ITGB4: variants seen among roughly 807,000 people sequenced by gnomAD.
ITGB4 encodes the protein integrin beta-4.
Under a neutral mutation model 207.6 loss-of-function variants are expected in ITGB4, and 159 were observed. The observed-to-expected ratio is 0.77, with a 90% CI of 0.67 to 0.87. The LOEUF is 0.87. ITGB4 is among the 40% of genes least tolerant of loss of function. The pLI, the probability that ITGB4 is intolerant of heterozygous loss-of-function variation, is 0.00. For missense variants in ITGB4, 2,278 were observed against 2,546.8 expected (o/e 0.89, Z 2.27); for synonymous variants, 1,020 against 1,062.7 (o/e 0.96, Z 0.78).
In ITGB4 at chr17:75,750,889, T is replaced by C. The variant is rs1328354143; in HGVS notation, c.3655+29T>C. On this transcript the variant is annotated intron_variant, in intron 29 of 39. Transcript: ENST00000200181. The surrounding 1 kb of genome is among the most constrained non-coding windows in gnomAD (Gnocchi z 5.5). ...AGGCCTCGCCATGTCTGTCCATTTG[T>C]CCCCTGGCTGCCCTGATGCCAGCAT... The C allele has an allele frequency of 6.2e-7, 1 of 1,613,426 alleles. No homozygotes were observed. The highest frequency in any genetic ancestry group is 2.2e-5 in the East Asian group (1 of 44,884).
rs2060801477 is a variant in ITGB4 at position 75,729,353 on chromosome 17, A to C, written c.655A>C (p.Lys219Gln). 2 of 1,614,188 alleles carry C rather than the reference A, an allele frequency of 1.2e-6. No homozygotes were observed. The highest frequency in any genetic ancestry group is 4.5e-5 in the East Asian group (2 of 44,894). Reference protein sequence around the residue: ...LTEDVDEFRNKLQGERISGNL... With the variant: ...LTEDVDEFRNQLQGERISGNL... ...AGAAGATGTGGATGAGTTCCGGAAT[A>C]AACTGCAGGGAGAGCGGATCTCAGG... Residue 219 changes from lysine (K) to glutamine (Q), a missense_variant, in exon 7 of 40, where the codon AAA (lysine) becomes CAA (glutamine). Lys to Gln is a moderately conservative substitution (Grantham distance 53). Coordinates refer to ENST00000200181, the MANE Select transcript of ITGB4 (RefSeq NM_000213.5). This position sits in a 1 kb window ranked among gnomAD's most constrained non-coding sequence, Gnocchi z 4.4.
At chr17:75,756,917 A>AGG in intron 37 of ITGB4, 26 bp from the exon 38 acceptor site, 1 of 1,612,254 alleles carries the variant, frequency 6.2e-7, no homozygotes, top group Non-Finnish European at 8.5e-7. Context: ...GGGGCCGCAG[A>AGG]CGCTGAAGGC....
In ITGB4 at chr17:75,729,293, C is replaced by A. The variant is rs780182739; in HGVS notation, c.595C>A (p.Pro199Thr). 6.8e-6 allele frequency: 11 copies of A among 1,614,016 alleles called. No individual in the cohort carries two copies. In the African/African-American group the frequency reaches 8.0e-5, roughly 12 times the overall value. ...KLKEPWPNSD[P>T]PFSFKNVISL... is the part of the protein sequence containing the mutation. ...GAAGGAGCCCTGGCCCAACAGTGAC[C>A]CCCCCTTCTCCTTCAAGAACGTCAT... Residue 199 changes from proline to threonine, a missense_variant, in exon 7 of 40, where the codon CCC becomes ACC. Coordinates refer to ENST00000200181, the MANE Select transcript of ITGB4 (RefSeq NM_000213.5). The surrounding 1 kb of genome is among the most constrained non-coding windows in gnomAD (Gnocchi z 4.4).
chr17:75,729,495 G>T lies in ITGB4; in HGVS notation c.738+59G>T. On this transcript the variant is annotated intron_variant, in intron 7 of 39. Coordinates refer to ENST00000200181, the MANE Select transcript of ITGB4 (RefSeq NM_000213.5). The surrounding 1 kb of genome is among the most constrained non-coding windows in gnomAD (Gnocchi z 4.4). ...CAGGGGTGAGCACTTCTGGGCAAGG[G>T]CCTGAGCTGCCCCCTGGCCTGCTCT... The T allele has an allele frequency of 6.4e-7, 1 of 1,560,820 alleles. No homozygotes were observed. Among genetic ancestry groups the T allele is most frequent in the Non-Finnish European group, 8.7e-7 (1 of 1,146,912 alleles).
rs373041337 is a variant in ITGB4, at chr17:75,727,671, C to T, written c.285C>T (p.Thr95=). 2.0e-5 allele frequency: 32 copies of T among 1,608,478 alleles called. No homozygotes were observed. Among genetic ancestry groups the T allele is most frequent in the Non-Finnish European group, 2.5e-5 (30 of 1,178,118 alleles). Residue 95 remains threonine, a synonymous_variant, in exon 5 of 40, where the codon ACC becomes ACT. Transcript: ENST00000200181. This position sits in a 1 kb window ranked among gnomAD's most constrained non-coding sequence, Gnocchi z 6.0. ...TGCAGGAGACCCAGATTGACACCACCCTGCGGCGCAGCCAGATGTCCCCCC... is the reference window on the plus strand; with the variant it reads ...TGCAGGAGACCCAGATTGACACCACTCTGCGGCGCAGCCAGATGTCCCCCC... The part of the protein sequence containing the change: ...QITEETQIDT[T]LRRSQMSPQG...
rs1369865567 is a variant in ITGB4 at position 75,727,319 on chromosome 17, G to A, written c.162+42G>A. 15 of 1,612,234 alleles carry A rather than the reference G, an allele frequency of 9.3e-6. No homozygotes were observed. Among genetic ancestry groups the A allele is most frequent in the Middle Eastern group, 3.3e-4 (2 of 6,058 alleles). On this transcript the variant is annotated intron_variant, in intron 3 of 39. Transcript: ENST00000200181. This position sits in a 1 kb window ranked among gnomAD's most constrained non-coding sequence, Gnocchi z 6.0. ...GGTTGGTGTGGAACAGGCAAGGGTC[G>A]GGAATAGCTGGTGGAAATGAATCTA...
At chr17:75,756,885 T>C in intron 37 of ITGB4, 26 bp downstream of exon 37, 1 of 1,610,932 alleles carries the variant, frequency 6.2e-7, no homozygotes, top group South Asian at 1.1e-5. Flanking sequence ...GGGGCAGGAG[T>C]GGCCAGGGGA....
chr17:75,726,798 G>C (rs184691814), intron 2 of ITGB4, among the ~76,000 whole-genome samples: 1 of 152,014 alleles, frequency 6.6e-6, no homozygotes, highest in East Asian at 1.9e-4. Context: ...ATAAGGCCGG[G>C]CCCGGTGGCT....
chr17:75,727,201 G>T lies in ITGB4; in HGVS notation c.86G>T (p.Arg29Leu), dbSNP rs530665868. Residue 29 changes from arginine to leucine, a missense_variant, in exon 3 of 40, where the codon CGC becomes CTC. Transcript: ENST00000200181. This position sits in a 1 kb window ranked among gnomAD's most constrained non-coding sequence, Gnocchi z 6.0. ...CCCACATCTGTCCCCCCAGCAAACC[G>T]CTGCAAGAAGGCCCCAGTGAAGAGC... ...SVSLSGTLAN[R>L]CKKAPVKSCT... 2 of 1,613,892 alleles carry T rather than the reference G, an allele frequency of 1.2e-6. No homozygotes were observed. Among genetic ancestry groups the T allele is most frequent in the African/African-American group, 2.7e-5 (2 of 75,026 alleles).
chr17:75,737,819 C>T (rs2061016134), intron 18 of ITGB4, among the ~76,000 whole-genome samples, 175 bp downstream of exon 18: 1 of 151,618 alleles, frequency 6.6e-6, no homozygotes, highest in South Asian at 2.1e-4. Context: ...GGTCCCCATC[C>T]TCCACCACGG....
chr17:75,745,599 C>T (rs1334796969), intron 26 of ITGB4, among the ~76,000 whole-genome samples: 1 of 151,946 alleles, frequency 6.6e-6, no homozygotes, highest in East Asian at 1.9e-4. Context: ...ATAATAAAGG[C>T]CAGGCGAGGT....
intron 35 of ITGB4, 117 bp from the exon 36 acceptor site, chr17:75,756,312 A>G: frequency 8.8e-7 from 1 of 1,131,926 alleles, no homozygotes; most frequent in African/African-American, 1.5e-5. Flanking sequence ...TACCCAAACC[A>G]CAGCTAGTCC....
chr17:75,757,157 C>T (rs2143559285), intron 38 of ITGB4, 43 bp from the exon 39 acceptor site: 2 of 1,612,552 alleles, frequency 1.2e-6, no homozygotes, highest in Non-Finnish European at 8.5e-7. Context: ...GGCCGTGCCT[C>T]CTTCTGGCAC....
In ITGB4 at chr17:75,742,664, C is replaced by T. The variant is rs780448706; in HGVS notation, c.2865C>T (p.Asp955=). ...RVPLFIRPED[D]DEKQLLVEAI... ...CCCTCTTTATCCGGCCTGAGGATGA[C>T]GACGAGAAGCAGCTGCTGGTGGAGG... is the stretch of plus-strand genomic sequence containing the variant. Residue 955 remains aspartate (D), a synonymous_variant, in exon 25 of 40, where the codon GAC becomes GAT. Coordinates refer to ENST00000200181, the MANE Select transcript of ITGB4 (RefSeq NM_000213.5). The surrounding 1 kb of genome is among the most constrained non-coding windows in gnomAD (Gnocchi z 5.9). The T allele has an allele frequency of 3.3e-5, 54 of 1,614,030 alleles. No homozygotes were observed. The South Asian group carries it at 4.1e-4, about 12-fold the overall frequency.
Position 75,731,912 on chromosome 17 carries a change from C to T in ITGB4, c.1316C>T (p.Ser439Phe). ...DQKGNIHLKPSFSDGLKMDAG... is the reference protein window; with the variant it reads ...DQKGNIHLKPFFSDGLKMDAG... ...AAGGGCAACATCCATCTGAAACCTT[C>T]CTTCTCCGACGGCCTCAAGATGGAC... Residue 439 changes from serine (S) to phenylalanine (F), a missense_variant, in exon 11 of 40, where the codon TCC becomes TTC. Coordinates refer to ENST00000200181, the MANE Select transcript of ITGB4 (RefSeq NM_000213.5). This position sits in a 1 kb window ranked among gnomAD's most constrained non-coding sequence, Gnocchi z 6.8. The T allele has an allele frequency of 1.2e-6, 2 of 1,614,098 alleles. No homozygotes were observed. The highest frequency in any genetic ancestry group is 1.3e-5 in the African/African-American group (1 of 75,058).
At chr17:75,747,487 T>TATAAA (rs1432314009) in intron 26 of ITGB4, among the ~76,000 whole-genome samples, 1 of 152,116 alleles carries the variant, frequency 6.6e-6, no homozygotes, top group Non-Finnish European at 1.5e-5. Flanking sequence ...CCAAAAAATA[T>TATAAA]ATAAAATAAA....
At position 75,731,271 on chromosome 17, in the gene ITGB4, G is replaced by A. The variant is rs775809934; in HGVS notation, c.1118G>A (p.Arg373Gln). ...CGGATCCGCTCCAACCTGGACATCC[G>A]GGCCCTAGACAGCCCCCGAGGCCTT... is the stretch of plus-strand genomic sequence containing the variant. ...FNRIRSNLDI[R>Q]ALDSPRGLRT... The change falls in exon 10 of 40, where the codon CGG (arginine) becomes CAG (glutamine). Residue 373 changes from arginine (R) to glutamine (Q), a missense_variant. Arg to Gln is a conservative substitution (Grantham distance 43, BLOSUM62 1). Transcript: ENST00000200181. The surrounding 1 kb of genome is among the most constrained non-coding windows in gnomAD (Gnocchi z 6.8). The A allele has an allele frequency of 1.4e-5, 23 of 1,613,388 alleles. No homozygotes were observed. The highest frequency in any genetic ancestry group is 1.1e-4 in the South Asian group (10 of 91,088).
rs777157773 is a variant in ITGB4 at position 75,731,502 on chromosome 17, G to A, written c.1215+134G>A. The A allele has an allele frequency of 2.7e-5, 25 of 932,538 alleles. No individual in the cohort carries two copies. Among genetic ancestry groups the A allele is most frequent in the Non-Finnish European group, 3.7e-5 (23 of 622,008 alleles). 57.8% of individuals were successfully genotyped at this position (932,538 alleles called of 1,614,324 possible). A position where few individuals can be genotyped will look rare whatever the true frequency, so the allele number is the denominator to read the frequency against. On this transcript the variant is annotated intron_variant, in intron 10 of 39. Coordinates refer to ENST00000200181, the MANE Select transcript of ITGB4 (RefSeq NM_000213.5). The surrounding 1 kb of genome is among the most constrained non-coding windows in gnomAD (Gnocchi z 6.8). ...TGGGTGCAGATCCCTGGGCCTAGCC[G>A]CTCGGATGAGCCTAGGTTGCTCCTC...
intron 26 of ITGB4, among the ~76,000 whole-genome samples, chr17:75,746,081 A>AT (rs948231528): frequency 2.0e-5 from 3 of 152,016 alleles, no homozygotes; most frequent in Non-Finnish European, 2.9e-5. Flanking sequence ...CCAAAGAATA[A>AT]TTTTTTTCTT....
Sources: gnomAD v4.1 joint callset for allele counts (sites outside exome capture counted in the v4.1 genomes callset) on GRCh38, gnomAD v4.1.1 for gene constraint, Gnocchi (gnomAD v3.1) non-coding constraint, MANE v1.5 for transcripts, NCBI Gene and HGNC (gene_info 2026-07-23, HGNC 2026-07-21) for gene names.